The following USP42 variants were observed in gnomAD, a reference collection of about 807,000 sequenced individuals.
USP42 encodes the protein ubiquitin specific peptidase 42.
Under a neutral mutation model 113.0 loss-of-function variants are expected in USP42, and 23 were observed. That is an observed-to-expected ratio of 0.20 (90% confidence interval 0.15 to 0.29). USP42 has a LOEUF of 0.29. Among genes scored for constraint, USP42 ranks in the 10% least tolerant of loss-of-function variants. The probability of loss-of-function intolerance (pLI) is 1.00; values close to 1 mark genes in which losing one functional copy is unlikely to be tolerated. For synonymous variants in USP42, 933 were observed against 699.0 expected (o/e 1.33, Z -5.28); for missense variants, 2,174 against 1,779.8 (o/e 1.22, Z -3.99).
chr7:6,084,049 CAG>C, the USP42 span, among the ~76,000 whole-genome samples: 1 of 151,028 alleles, frequency 6.6e-6, no homozygotes, highest in African/African-American at 2.5e-5. Context: ...TGTTTTGAGA[CAG>C]AGTCTCGCTC....
At chr7:6,090,748 T>TA in the USP42 span, among the ~76,000 whole-genome samples, 2 of 145,794 alleles carry the variant, frequency 1.4e-5, no homozygotes, top group Non-Finnish European at 3.0e-5. Context: ...ACTATATATA[T>TA]ATTATATACT....
rs906917941 is a variant in USP42, at chr7:6,161,447, T to G, written c.*929T>G. On this transcript the variant is annotated 3_prime_UTR_variant, in exon 18 of 18. Coordinates refer to ENST00000306177, the MANE Select transcript of USP42 (RefSeq NM_032172.3). The stretch of plus-strand genomic sequence containing the variant: ...ATCTGTATGGTTTATACAGTTTGTG[T>G]TGTTCAGAGATGTTTAAAGTTTGAT... 1 of 152,762 alleles carries G rather than the reference T, an allele frequency of 6.5e-6. No individual in the cohort carries two copies. The highest frequency in any genetic ancestry group is 1.9e-4 in the East Asian group (1 of 5,184). 9.5% of individuals were successfully genotyped at this position (152,762 alleles called of 1,614,324 possible).
chr7:6,139,286 A>T lies in USP42; in HGVS notation c.656+92A>T, dbSNP rs929126612. On this transcript the variant is annotated intron_variant, in intron 5 of 17. Transcript: ENST00000306177. The surrounding 1 kb of genome is among the most constrained non-coding windows in gnomAD (Gnocchi z 4.5). ...AATTCATTTTCACCTTTTTTGTTGG[A>T]AGCACACAGAACAGTGTTCACTTTA... 9.8e-7 allele frequency: 1 copy of T among 1,018,278 alleles called. No individual in the cohort carries two copies. The highest frequency in any genetic ancestry group is 1.4e-6 in the Non-Finnish European group (1 of 706,554). The allele number at this position is 1,018,278 out of a possible 1,614,324, so 63.1% of individuals were successfully genotyped here.
At position 6,150,020 on chromosome 7, in the gene USP42, C is replaced by A; in HGVS notation, c.1824C>A (p.Gly608=). ...KLNSSVLVPY[G]AESSEDSDEE... Reference sequence around the variant, plus strand: ...ACTCCAGCGTGCTGGTGCCCTATGGCGCCGAGTCCTCTGAGGACTCTGACG... The same window carrying A: ...ACTCCAGCGTGCTGGTGCCCTATGGAGCCGAGTCCTCTGAGGACTCTGACG... The change falls in exon 13 of 18, where the codon GGC becomes GGA. Residue 608 remains glycine (G), a synonymous_variant. Coordinates refer to ENST00000306177, the MANE Select transcript of USP42 (RefSeq NM_032172.3). 1.9e-6 allele frequency: 3 copies of A among 1,612,688 alleles called. No homozygotes were observed. The highest frequency in any genetic ancestry group is 2.5e-6 in the Non-Finnish European group (3 of 1,179,278).
chr7:6,124,028 G>A (rs1309156289), intron 3 of USP42, among the ~76,000 whole-genome samples: 6 of 151,806 alleles, frequency 4.0e-5, no homozygotes, highest in Admixed American at 3.3e-4. Context: ...GACATGCGCC[G>A]CCGTGCCCGG....
the USP42 span, among the ~76,000 whole-genome samples, chr7:6,091,982 T>TTCTTCTTCTTCC: frequency 4.7e-5 from 1 of 21,364 alleles, no homozygotes; most frequent in African/African-American, 1.6e-4. Context: ...GTATTTTTTC[T>TTCTTCTTCTTCC]TCTTCTTCTT....
At chr7:6,108,842 A>G (rs559212093) in intron 1 of USP42, among the ~76,000 whole-genome samples, 1 of 152,342 alleles carries the variant, frequency 6.6e-6, no homozygotes, top group East Asian at 1.9e-4. Context: ...GGATCAAATG[A>G]TATACTGTAT....
Position 6,112,316 on chromosome 7 carries a change from G to A in USP42, c.241+942G>A, listed in dbSNP as rs571001514. ...ATACAAAAATTAGCTGGGCATGGTG[G>A]TGTGTGCCTATAATCCCAGCTACTT... On this transcript the variant is annotated intron_variant, in intron 2 of 17. Transcript: ENST00000306177. 2.0e-5 allele frequency among the ~76,000 whole-genome samples: 3 copies of A among 152,254 alleles called. No homozygotes were observed. The South Asian group carries it at 6.2e-4, about 32-fold the overall frequency.
At chr7:6,131,936 C>G (rs1275424179) in intron 3 of USP42, among the ~76,000 whole-genome samples, 1 of 152,052 alleles carries the variant, frequency 6.6e-6, no homozygotes, top group Non-Finnish European at 1.5e-5. Context: ...TCTATGTTAA[C>G]ATTATTTGTC....
chr7:6,083,195 G>T, the USP42 span, among the ~76,000 whole-genome samples: 3 of 149,040 alleles, frequency 2.0e-5, 1 homozygote, highest in African/African-American at 5.0e-5. Context: ...AAAGGGCTGG[G>T]GTTACAGGCG....
At chr7:6,152,069 A>T (rs1178420629) in intron 14 of USP42, among the ~76,000 whole-genome samples, 4 of 152,222 alleles carry the variant, frequency 2.6e-5, no homozygotes, top group South Asian at 4.1e-4. Context: ...AAGAATGTGA[A>T]TGTAACGTTG....
chr7:6,135,610 C>T (rs1320050896), intron 3 of USP42, among the ~76,000 whole-genome samples: 2 of 136,932 alleles, frequency 1.5e-5, no homozygotes, highest in Admixed American at 7.9e-5. Flanking sequence ...CAGGGTCACA[C>T]CACTGCACTC....
upstream of USP42, among the ~76,000 whole-genome samples, chr7:6,100,417 C>T (rs1005107846): frequency 4.0e-5 from 6 of 150,570 alleles, no homozygotes; most frequent in Non-Finnish European, 8.8e-5. Flanking sequence ...TCAACCTCCG[C>T]CTCCTGGGTT....
In USP42 at chr7:6,144,231, C is replaced by T. The variant is rs185552720; in HGVS notation, c.990+35C>T. 165 of 1,411,818 alleles carry T rather than the reference C, an allele frequency of 1.2e-4. No homozygotes were observed. The African/African-American group carries it at 2.1e-3, about 18-fold the overall frequency. The allele number at this position is 1,411,818 out of a possible 1,614,324, so 87.5% of individuals were successfully genotyped here. A position where few individuals can be genotyped will look rare whatever the true frequency, so the allele number is the denominator to read the frequency against. On this transcript the variant is annotated intron_variant, in intron 9 of 17. Transcript: ENST00000306177. ...TGATGTCATTAATCATGTTTTATGT[C>T]GAGCCTTTCGAAGCTTAACGTGTCT... is the stretch of plus-strand genomic sequence containing the variant.
intron 1 of USP42, among the ~76,000 whole-genome samples, chr7:6,108,326 C>T (rs1252475226): frequency 6.6e-6 from 1 of 151,940 alleles, no homozygotes; most frequent in African/African-American, 2.4e-5. Context: ...TCGTTTGAGG[C>T]CAGGAGTTCA....
At chr7:6,152,549 A>G (rs567440060) in intron 14 of USP42, among the ~76,000 whole-genome samples, 1 of 152,186 alleles carries the variant, frequency 6.6e-6, no homozygotes, top group South Asian at 2.1e-4. Flanking sequence ...GAGGGCGTAG[A>G]TATTAAACCG....
In USP42 at chr7:6,150,016, A is replaced by G. The variant is rs774129536; in HGVS notation, c.1820A>G (p.Tyr607Cys). ...SKLNSSVLVPYGAESSEDSDE... is the reference protein window; with the variant it reads ...SKLNSSVLVPCGAESSEDSDE... ...CTGAACTCCAGCGTGCTGGTGCCCTATGGCGCCGAGTCCTCTGAGGACTCT... is the reference window on the plus strand; with the variant it reads ...CTGAACTCCAGCGTGCTGGTGCCCTGTGGCGCCGAGTCCTCTGAGGACTCT... The change falls in exon 13 of 18, where the codon TAT becomes TGT. Residue 607 changes from tyrosine (Y) to cysteine (C), a missense_variant. Coordinates refer to ENST00000306177, the MANE Select transcript of USP42 (RefSeq NM_032172.3). 3.7e-6 allele frequency: 6 copies of G among 1,613,056 alleles called. No individual in the cohort carries two copies. Among genetic ancestry groups the G allele is most frequent in the East Asian group, 2.2e-5 (1 of 44,862 alleles).
chr7:6,128,177 T>C (rs1298753073), intron 3 of USP42: 2 of 152,108 alleles, frequency 1.3e-5, no homozygotes, highest in Non-Finnish European at 2.9e-5. Context: ...GGTCTCGAAC[T>C]CCTAGCCTCA....
intron 14 of USP42, 100 bp from the exon 15 acceptor site, chr7:6,153,656 A>G (rs1414009549): frequency 5.3e-6 from 7 of 1,321,546 alleles, no homozygotes; most frequent in Non-Finnish European, 6.9e-6. Context: ...AAGAGACGAA[A>G]TAGCAAATGA....
Sources: gnomAD v4.1 joint callset for allele counts (sites outside exome capture counted in the v4.1 genomes callset) on GRCh38, gnomAD v4.1.1 for gene constraint, Gnocchi (gnomAD v3.1) non-coding constraint, MANE v1.5 for transcripts, NCBI Gene and HGNC (gene_info 2026-07-23, HGNC 2026-07-21) for gene names.